Variants in LTBP1 observed in about 807,000 individuals in gnomAD.
LTBP1 encodes latent-transforming growth factor beta-binding protein 1.
A neutral mutation model predicts 207.6 loss-of-function variants in LTBP1; 129 were observed. That is an observed-to-expected ratio of 0.62 (90% CI 0.54 to 0.72). The LOEUF is 0.72. Ranked by LOEUF, LTBP1 falls within the 30% of genes least tolerant of loss-of-function variation. LTBP1 has a pLI of 0.00. For synonymous variants in LTBP1, 963 were observed against 833.7 expected (o/e 1.16, Z -2.67); for missense variants, 2,281 against 2,217.2 (o/e 1.03, Z -0.58).
intron 2 of LTBP1, among the ~76,000 whole-genome samples, chr2:32,962,476 C>A (rs987217056): frequency 2.0e-5 from 3 of 152,148 alleles, no homozygotes; most frequent in Non-Finnish European, 2.9e-5. Context: ...GCCTACACAG[C>A]GGTTCTCTTT....
At chr2:32,975,583 G>GTTTTT (rs779168923) in intron 2 of LTBP1, among the ~76,000 whole-genome samples, 4 of 31,380 alleles carry the variant, frequency 1.3e-4, no homozygotes, top group Admixed American at 5.3e-4. Context: ...TTCATTCTTT[G>GTTTTT]TTTTTTTTTT....
At chr2:33,383,439 G>A (rs1282300024) in intron 31 of LTBP1, among the ~76,000 whole-genome samples, 2 of 152,180 alleles carry the variant, frequency 1.3e-5, no homozygotes, top group Admixed American at 1.3e-4. Flanking sequence ...TCCTCCCTCT[G>A]TTTCCTAGTT....
chr2:33,123,409 G>A lies in LTBP1; in HGVS notation c.1034-11384G>A, dbSNP rs562163344. The stretch of plus-strand genomic sequence containing the variant: ...ATTCATCTTTTTTTTTTTTGGTATG[G>A]GTTTTCTGGCAACCACAATGCAGTA... On this transcript the variant is annotated intron_variant, in intron 4 of 33. Coordinates refer to ENST00000404816, the MANE Select transcript of LTBP1 (RefSeq NM_206943.4). 1.0e-3 allele frequency among the ~76,000 whole-genome samples: 152 copies of A among 151,856 alleles called. 3 individuals are homozygous for A. The South Asian group carries it at 0.032, about 31-fold the overall frequency.
chr2:33,382,340 C>T (rs557967496), intron 31 of LTBP1, among the ~76,000 whole-genome samples: 1 of 152,120 alleles, frequency 6.6e-6, no homozygotes, highest in East Asian at 1.9e-4. Flanking sequence ...GGTGATCCAC[C>T]CGCCTCGGGC....
intron 4 of LTBP1, among the ~76,000 whole-genome samples, chr2:33,124,555 T>A (rs1390809834): frequency 2.0e-5 from 3 of 152,252 alleles, no homozygotes; most frequent in Non-Finnish European, 4.4e-5. Flanking sequence ...AAGTCCACAG[T>A]AGAATCTTGC....
Position 33,262,370 on chromosome 2 carries a change from C to T in LTBP1, c.2419-352C>T, listed in dbSNP as rs948663984. 5.3e-5 allele frequency among the ~76,000 whole-genome samples: 8 copies of T among 152,242 alleles called. No individual in the cohort carries two copies. The East Asian group carries it at 1.2e-3, about 22-fold the overall frequency. ...CACATGTGAATGAGGCAATAGTCCTCGTTGGGGGTTAGTTTTGCCCTGTTG... is the reference window on the plus strand; with the variant it reads ...CACATGTGAATGAGGCAATAGTCCTTGTTGGGGGTTAGTTTTGCCCTGTTG... On this transcript the variant is annotated intron_variant, in intron 13 of 33. Coordinates refer to ENST00000404816, the MANE Select transcript of LTBP1 (RefSeq NM_206943.4).
intron 4 of LTBP1, among the ~76,000 whole-genome samples, chr2:33,112,840 A>G (rs1405349044): frequency 1.3e-5 from 2 of 152,328 alleles, no homozygotes; most frequent in East Asian, 3.9e-4. Flanking sequence ...GAAGCCTTAC[A>G]TGGAACAGAA....
intron 3 of LTBP1, among the ~76,000 whole-genome samples, chr2:33,050,628 T>G (rs2076686265): frequency 6.6e-6 from 1 of 152,210 alleles, no homozygotes; most frequent in African/African-American, 2.4e-5. Flanking sequence ...AGTATTACTC[T>G]GCTACAGATA....
intron 24 of LTBP1, 122 bp from the exon 25 acceptor site, chr2:33,342,716 C>T: frequency 1.2e-6 from 1 of 852,770 alleles, no homozygotes; most frequent in Non-Finnish European, 1.7e-6. Flanking sequence ...TCTGTGTAAA[C>T]ATGTTCATCT....
At chr2:33,106,608 C>CTTTTTTTTTTTTTTTTTTTT (rs1267105433) in intron 3 of LTBP1, among the ~76,000 whole-genome samples, 1 of 151,426 alleles carries the variant, frequency 6.6e-6, no homozygotes. Flanking sequence ...GAAAGGAAAT[C>CTTTTTTTTTTTTTTTTTTTT]TTTTTCTTTT....
chr2:33,309,419 T>A lies in LTBP1; in HGVS notation c.3482-15T>A. ...GATTTATTTAGTCTTTAAAAATTTT[T>A]AAATTGGTTTTTAGATATCAATGAA... is the stretch of plus-strand genomic sequence containing the variant. On this transcript the variant is annotated splice_polypyrimidine_tract_variant and intron_variant, in intron 22 of 33. Transcript: ENST00000404816. 1 of 1,575,480 alleles carries A rather than the reference T, an allele frequency of 6.3e-7. No homozygotes were observed. Among genetic ancestry groups the A allele is most frequent in the African/African-American group, 1.4e-5 (1 of 72,440 alleles).
At chr2:33,232,764 A>G (rs1206326358) in intron 9 of LTBP1, among the ~76,000 whole-genome samples, 1 of 152,138 alleles carries the variant, frequency 6.6e-6, no homozygotes, top group Admixed American at 6.5e-5. Flanking sequence ...TTGAGGTTAT[A>G]TTCTTTAACA....
rs75356476 is a variant in LTBP1 at position 33,237,271 on chromosome 2, T to C, written c.1877-6391T>C. Among the ~76,000 whole-genome samples, 246 of 152,188 alleles carry C rather than the reference T, an allele frequency of 1.6e-3. 7 individuals carry two copies. The East Asian group carries it at 0.037, about 23-fold the overall frequency. On this transcript the variant is annotated intron_variant, in intron 9 of 33. Transcript: ENST00000404816. Reference sequence around the variant, plus strand: ...AACAAGAGATTTTGCCAAAGGACTCTTCGGGTTTTAAATATGCTTATGTAT... The same window carrying C: ...AACAAGAGATTTTGCCAAAGGACTCCTCGGGTTTTAAATATGCTTATGTAT...
At chr2:33,091,031 A>G (rs189149867) in intron 3 of LTBP1, among the ~76,000 whole-genome samples, 2 of 152,272 alleles carry the variant, frequency 1.3e-5, no homozygotes, top group East Asian at 1.9e-4. Flanking sequence ...ATGCTGCTCT[A>G]ATTGTACTTA....
intron 14 of LTBP1, 68 bp downstream of exon 14, chr2:33,262,889 G>C: frequency 8.6e-7 from 1 of 1,158,010 alleles, no homozygotes; most frequent in Non-Finnish European, 1.2e-6. Context: ...GGAAATTTTT[G>C]TCTTTGACTT....
intron 2 of LTBP1, among the ~76,000 whole-genome samples, chr2:33,019,325 C>G (rs1039458723): frequency 7.5e-6 from 1 of 132,836 alleles, no homozygotes; most frequent in East Asian, 2.5e-4. Context: ...AGCATGTACA[C>G]TTCTTTTTTT....
intron 10 of LTBP1, among the ~76,000 whole-genome samples, chr2:33,244,880 C>T (rs2092456901): frequency 6.6e-6 from 1 of 151,814 alleles, no homozygotes. Context: ...ATCTATCTAT[C>T]TATCTATTTA....
rs10558832 is a variant in LTBP1 at position 33,202,022 on chromosome 2, A to AACACACACACACACACACACAC, written c.1701+13189_1701+13210dup. 3.7e-3 allele frequency among the ~76,000 whole-genome samples: 526 copies of AACACACACACACACACACACAC among 140,648 alleles called. 5 individuals carry two copies. The highest frequency in any genetic ancestry group is 0.019 in the Admixed American group (268 of 13,880). 92.3% of individuals were successfully genotyped at this position (140,648 alleles called of 152,430 possible). A position where few individuals can be genotyped will look rare whatever the true frequency, so the allele number is the denominator to read the frequency against. On this transcript the variant is annotated intron_variant, in intron 7 of 33. Transcript: ENST00000404816. ...CCTAAGCTCTAAAGCTTAGCACTGG[A>AACACACACACACACACACACAC]ACACACACACACACACACACACACA...
intron 3 of LTBP1, among the ~76,000 whole-genome samples, chr2:33,048,016 A>G (rs1228692199): frequency 1.3e-5 from 2 of 151,952 alleles, no homozygotes; most frequent in African/African-American, 2.4e-5. Flanking sequence ...GTGTCTTTGC[A>G]TGTGAGATGG....
Sources: gnomAD v4.1 joint callset for allele counts (sites outside exome capture counted in the v4.1 genomes callset) on GRCh38, gnomAD v4.1.1 for gene constraint, MANE v1.5 for transcripts, NCBI Gene and HGNC (gene_info 2026-07-23, HGNC 2026-07-21) for gene names.